TMED10: variants seen among roughly 807,000 people sequenced by gnomAD.
The protein encoded by TMED10 is transmembrane emp24 domain-containing protein 10.
Under a neutral mutation model 23.1 loss-of-function variants are expected in TMED10, and 7 were observed. The observed-to-expected ratio is 0.30, with a 90% confidence interval of 0.17 to 0.57. The LOEUF is 0.57. Among genes scored for constraint, TMED10 ranks in the 20% least tolerant of loss-of-function variants. The pLI is 0.91. For synonymous variants in TMED10, 113 were observed against 106.9 expected (o/e 1.06, Z -0.35); for missense variants, 162 against 274.8 (o/e 0.59, Z 2.90).
intron 1 of TMED10, among the ~76,000 whole-genome samples, chr14:75,164,229 CTTTTTTTTT>C (rs765743077): frequency 8.4e-6 from 1 of 118,498 alleles, no homozygotes; most frequent in East Asian, 2.3e-4. Flanking sequence ...CCATGCCCGG[CTTTTTTTTT>C]TTTTTTTTTT....
chr14:75,167,667 T>A (rs1184372804), intron 1 of TMED10, among the ~76,000 whole-genome samples: 2 of 152,116 alleles, frequency 1.3e-5, no homozygotes, highest in Non-Finnish European at 2.9e-5. Flanking sequence ...ATAAGCTAGT[T>A]GGGAAGGACA....
At chr14:75,162,479 G>T (rs1349947331) in intron 1 of TMED10, among the ~76,000 whole-genome samples, 2 of 152,148 alleles carry the variant, frequency 1.3e-5, no homozygotes, top group Non-Finnish European at 2.9e-5. Context: ...AAGGAAGAGA[G>T]ACAAATCTTC....
In TMED10 at chr14:75,149,905, A is replaced by T. The variant is rs529646526; in HGVS notation, c.337+2127T>A. Among the ~76,000 whole-genome samples, 18 of 152,270 alleles carry T rather than the reference A, an allele frequency of 1.2e-4. No homozygotes were observed. The East Asian group carries it at 3.3e-3, about 28-fold the overall frequency. On this transcript the variant is annotated intron_variant, in intron 2 of 4. Transcript: ENST00000303575. ...GGATCTCTTGAGGTTCGAGTTCGAG[A>T]CCAGCTTGGCCAACATGATGAAACC...
intron 1 of TMED10, among the ~76,000 whole-genome samples, chr14:75,168,194 C>A (rs1896188140): frequency 6.6e-6 from 1 of 152,128 alleles, no homozygotes; most frequent in Non-Finnish European, 1.5e-5. Context: ...TCAGTCACCC[C>A]CTACTCCCTA....
intron 1 of TMED10, among the ~76,000 whole-genome samples, chr14:75,174,747 A>C (rs1020473689): frequency 1.1e-4 from 17 of 152,164 alleles, no homozygotes; most frequent in Non-Finnish European, 1.9e-4. Context: ...AACCCTTTTA[A>C]AAAGTAAAAA....
At chr14:75,153,856 G>A (rs1324558379) in intron 1 of TMED10, among the ~76,000 whole-genome samples, 1 of 143,644 alleles carries the variant, frequency 7.0e-6, no homozygotes, top group Non-Finnish European at 1.5e-5. Context: ...TGCAACCTCC[G>A]CCTCCCGGGT....
At chr14:75,153,120 T>C (rs1416386735) in intron 1 of TMED10, among the ~76,000 whole-genome samples, 1 of 150,986 alleles carries the variant, frequency 6.6e-6, no homozygotes, top group Non-Finnish European at 1.5e-5. Context: ...AGATTCTGTC[T>C]CAAAAAAAAA....
In TMED10 at chr14:75,132,523, G is replaced by A. The variant is rs185112174; in HGVS notation, c.*2362C>T. The A allele has an allele frequency of 4.3e-4, 65 of 152,168 alleles. No homozygotes were observed. The highest frequency in any genetic ancestry group is 1.5e-3 in the African/African-American group (62 of 41,492). 9.4% of individuals were successfully genotyped at this position (152,168 alleles called of 1,614,324 possible). On this transcript the variant is annotated 3_prime_UTR_variant, in exon 5 of 5. Transcript: ENST00000303575. ...TCTCAACATTTGCTGCCTATGCTAAGGATCTGCAGCCAGGTTCTCAGAAGC... is the reference window on the plus strand; with the variant it reads ...TCTCAACATTTGCTGCCTATGCTAAAGATCTGCAGCCAGGTTCTCAGAAGC...
chr14:75,166,614 G>A (rs1896166128), intron 1 of TMED10, among the ~76,000 whole-genome samples: 1 of 152,210 alleles, frequency 6.6e-6, no homozygotes, highest in South Asian at 2.1e-4. Flanking sequence ...GAATAAGAGA[G>A]ATTTAAATGA....
intron 3 of TMED10, chr14:75,139,156 C>T (rs1210450418): frequency 2.2e-6 from 1 of 452,624 alleles, no homozygotes; most frequent in East Asian, 7.0e-5. Context: ...CACACCTTTT[C>T]TTCTGAGACA....
chr14:75,149,338 T>G (rs2139841739), intron 2 of TMED10, among the ~76,000 whole-genome samples: 1 of 152,354 alleles, frequency 6.6e-6, no homozygotes, highest in Non-Finnish European at 1.5e-5. Flanking sequence ...CTTGCTCTCC[T>G]GTGCATTCTC....
chr14:75,156,606 GAAATCTCTTAATTTTT>G (rs1896021919), intron 1 of TMED10, among the ~76,000 whole-genome samples: 1 of 152,116 alleles, frequency 6.6e-6, no homozygotes, highest in African/African-American at 2.4e-5. Flanking sequence ...ACTTTCATTT[GAAATCTCTTAATTTTT>G]AAATCTTTAC....
In TMED10 at chr14:75,172,253, A is replaced by G. The variant is rs190242573; in HGVS notation, c.225+4102T>C. ...GAGACAACAAATTAACTTTCAAAAG[A>G]TATTTTTGAGACAAGTGGGATCATA... is the stretch of plus-strand genomic sequence containing the variant. On this transcript the variant is annotated intron_variant, in intron 1 of 4. Coordinates refer to ENST00000303575, the MANE Select transcript of TMED10 (RefSeq NM_006827.6). Among the ~76,000 whole-genome samples the G allele has an allele frequency of 2.3e-4, 35 of 152,230 alleles. No homozygotes were observed. The East Asian group carries it at 6.6e-3, about 29-fold the overall frequency.
intron 2 of TMED10, among the ~76,000 whole-genome samples, chr14:75,148,636 A>T (rs917262131): frequency 1.3e-5 from 2 of 152,208 alleles, no homozygotes; most frequent in Non-Finnish European, 2.9e-5. Context: ...AAGTTGTGGG[A>T]AACAGTGCCA....
At chr14:75,176,186 G>C (rs1049908286) in intron 1 of TMED10, 169 bp downstream of exon 1, 22 of 799,748 alleles carry the variant, frequency 2.8e-5, no homozygotes, top group Middle Eastern at 7.6e-4. Flanking sequence ...CCCGCCCCGC[G>C]ACAGGCAACC....
intron 1 of TMED10, among the ~76,000 whole-genome samples, chr14:75,164,562 TA>T (rs1896132285): frequency 1.2e-3 from 4 of 3,476 alleles, no homozygotes; most frequent in African/African-American, 2.5e-3. Context: ...TATATATATA[TA>T]TATATATATA....
chr14:75,166,128 G>A (rs925832382), intron 1 of TMED10, among the ~76,000 whole-genome samples: 1 of 152,022 alleles, frequency 6.6e-6, no homozygotes, highest in Non-Finnish European at 1.5e-5. Context: ...AGTTATTTAC[G>A]GTAAAAACCT....
intron 1 of TMED10, among the ~76,000 whole-genome samples, chr14:75,162,464 T>C (rs1271938943): frequency 6.6e-6 from 1 of 152,102 alleles, no homozygotes; most frequent in African/African-American, 2.4e-5. Context: ...ATTAAATAAA[T>C]AAATAAGGAA....
At chr14:75,176,153 G>T (rs1200300840) in intron 1 of TMED10, 7 of 632,122 alleles carry the variant, frequency 1.1e-5, no homozygotes, top group Non-Finnish European at 1.9e-5. Context: ...CCTTCTTGGG[G>T]TTCCCAGGCG....
Sources: allele counts gnomAD v4.1 joint callset (sites outside exome capture counted in the v4.1 genomes callset), GRCh38; gene constraint gnomAD v4.1.1; transcripts MANE v1.5; gene names NCBI Gene and HGNC (gene_info 2026-07-23, HGNC 2026-07-21).